The following C13orf42 variants were observed in gnomAD, a reference collection of about 807,000 sequenced individuals.
C13orf42 encodes chromosome 13 open reading frame 42.
chr13:51,168,897 A>C (rs759181377), intron 1 of C13orf42, among the ~76,000 whole-genome samples: 14 of 152,106 alleles, frequency 9.2e-5, no homozygotes, highest in African/African-American at 2.4e-5. Flanking sequence ...TCGCCATCTA[A>C]GATAAGCCTC....
chr13:51,163,975 T>C (rs1197656327), intron 1 of C13orf42, among the ~76,000 whole-genome samples: 1 of 151,986 alleles, frequency 6.6e-6, no homozygotes, highest in Non-Finnish European at 1.5e-5. Flanking sequence ...AGTCATGGGA[T>C]ATAGGATGTC....
At chr13:51,141,513 T>C (rs1566137436) in intron 1 of C13orf42, among the ~76,000 whole-genome samples, 1 of 151,902 alleles carries the variant, frequency 6.6e-6, no homozygotes, top group East Asian at 1.9e-4. Flanking sequence ...TAAAGAAAAA[T>C]AAAAGGCTAG....
At chr13:51,168,360 C>T (rs1353905409) in intron 1 of C13orf42, among the ~76,000 whole-genome samples, 1 of 152,174 alleles carries the variant, frequency 6.6e-6, no homozygotes, top group African/African-American at 2.4e-5. Flanking sequence ...GTTGTCCCTT[C>T]TCTCTCAATT....
intron 2 of C13orf42, among the ~76,000 whole-genome samples, chr13:51,085,935 G>A (rs2137972407): frequency 6.6e-6 from 1 of 152,102 alleles, no homozygotes; most frequent in Admixed American, 6.5e-5. Context: ...TATAATCACA[G>A]CTACTGGGAA....
Position 51,084,337 on chromosome 13 carries a change from G to A in C13orf42, c.804-12C>T. The stretch of plus-strand genomic sequence containing the variant: ...TGGAGCTCCCCAGGCTAGAAGGAAG[G>A]AATGAGGCAGGAGGTTTAAGTTCGG... On this transcript the variant is annotated splice_polypyrimidine_tract_variant and intron_variant, in intron 3 of 3. Transcript: ENST00000563710. 2.3e-5 allele frequency: 9 copies of A among 398,792 alleles called. No individual in the cohort carries two copies. In the Admixed American group the frequency reaches 3.1e-4, roughly 14 times the overall value. The allele number at this position is 398,792 out of a possible 1,614,324, so 24.7% of individuals were successfully genotyped here. A position where few individuals can be genotyped will look rare whatever the true frequency, so the allele number is the denominator to read the frequency against.
chr13:51,088,474 T>C (rs1349591488), intron 1 of C13orf42, among the ~76,000 whole-genome samples: 1 of 152,098 alleles, frequency 6.6e-6, no homozygotes, highest in East Asian at 1.9e-4. Context: ...TCTCCAGATA[T>C]GTTGAAAATG....
At chr13:51,123,525 G>A (rs556354958) in intron 1 of C13orf42, among the ~76,000 whole-genome samples, 2 of 152,332 alleles carry the variant, frequency 1.3e-5, no homozygotes, top group South Asian at 4.1e-4. Flanking sequence ...CATGTGCCTG[G>A]AGGAGAGCCA....
At chr13:51,087,161 G>T (rs1175147453) in intron 2 of C13orf42, among the ~76,000 whole-genome samples, 1 of 152,188 alleles carries the variant, frequency 6.6e-6, no homozygotes, top group Non-Finnish European at 1.5e-5. Context: ...AATGTAAAGG[G>T]TGCTCAACTG....
chr13:51,171,574 A>G (rs1384975561), intron 1 of C13orf42, among the ~76,000 whole-genome samples: 10 of 152,022 alleles, frequency 6.6e-5, no homozygotes, highest in Non-Finnish European at 1.5e-4. Flanking sequence ...GCTAGGTCCC[A>G]ATTCTTCCTC....
upstream of C13orf42, among the ~76,000 whole-genome samples, chr13:51,111,783 C>T (rs945915367): frequency 6.6e-6 from 1 of 152,108 alleles, no homozygotes; most frequent in Non-Finnish European, 1.5e-5. Context: ...CCGAGATGGG[C>T]CAGGGTGGAC....
intron 1 of C13orf42, among the ~76,000 whole-genome samples, chr13:51,161,139 C>T (rs7323872): frequency 7.3e-6 from 1 of 137,114 alleles, no homozygotes; most frequent in Non-Finnish European, 1.6e-5. Context: ...AGTAGTTTTT[C>T]TCATCAAGAC....
In C13orf42 at chr13:51,131,559, AAGAGGAGAGGAAG is replaced by A. The variant is rs577360638; in HGVS notation, n.137-18350_137-18338del. ...GAGCCCCAAGTTATCTGGGAACCTC[AAGAGGAGAGGAAG>A]TTACTCAACTCATAGGTATTTGAGG... On this transcript the variant is annotated intron_variant and non_coding_transcript_variant, in intron 1 of 4. Transcript: ENST00000433280. Among the ~76,000 whole-genome samples the A allele has an allele frequency of 4.5e-4, 69 of 152,352 alleles. 2 individuals are homozygous for A. The East Asian group carries it at 0.011, about 24-fold the overall frequency.
intron 1 of C13orf42, among the ~76,000 whole-genome samples, chr13:51,141,604 C>T (rs972377355): frequency 6.6e-6 from 1 of 152,096 alleles, no homozygotes; most frequent in Non-Finnish European, 1.5e-5. Context: ...TCGAGACCAG[C>T]CTGGCCAACA....
At chr13:51,101,896 T>G (rs1953296807) in intron 1 of C13orf42, among the ~76,000 whole-genome samples, 1 of 151,802 alleles carries the variant, frequency 6.6e-6, no homozygotes, top group Non-Finnish European at 1.5e-5. Flanking sequence ...GTGAACAAGG[T>G]GGTGTGGGGG....
At chr13:51,122,929 C>CG (rs995647326) in intron 1 of C13orf42, among the ~76,000 whole-genome samples, 3 of 152,076 alleles carry the variant, frequency 2.0e-5, no homozygotes, top group Non-Finnish European at 4.4e-5. Flanking sequence ...AACCAAGAGG[C>CG]GGGGGCAGTG....
chr13:51,161,910 A>G, intron 1 of C13orf42: 1 of 494,580 alleles, frequency 2.0e-6, no homozygotes, highest in Non-Finnish European at 4.0e-6. Flanking sequence ...TCCAAACAGC[A>G]GGTAAAGGCA....
chr13:51,087,144 A>G (rs1006948681), intron 2 of C13orf42, among the ~76,000 whole-genome samples: 1 of 152,230 alleles, frequency 6.6e-6, no homozygotes, highest in Non-Finnish European at 1.5e-5. Flanking sequence ...TGACAGTCGC[A>G]TGATGGAATG....
At chr13:51,118,566 G>T (rs1031092616) in intron 1 of C13orf42, among the ~76,000 whole-genome samples, 8 of 152,190 alleles carry the variant, frequency 5.3e-5, no homozygotes. Flanking sequence ...CTGCCCTGAT[G>T]GGGGGCTTTC....
At chr13:51,117,073 G>A (rs1171522785) in intron 1 of C13orf42, among the ~76,000 whole-genome samples, 3 of 152,212 alleles carry the variant, frequency 2.0e-5, no homozygotes, top group Non-Finnish European at 4.4e-5. Flanking sequence ...TAGAAGAATG[G>A]CTCATTGGGG....
Sources: allele counts gnomAD v4.1 joint callset (sites outside exome capture counted in the v4.1 genomes callset), GRCh38; gene constraint gnomAD v4.1.1; transcripts MANE v1.5; gene names NCBI Gene and HGNC (gene_info 2026-07-23, HGNC 2026-07-21).